Variants in SNURF observed in about 807,000 individuals in gnomAD.
The protein encoded by SNURF is SNURF protein.
Under a neutral mutation model 11.6 loss-of-function variants are expected in SNURF, and 6 were observed. That is an observed-to-expected ratio of 0.52 (90% CI 0.28 to 1.02). The LOEUF (loss-of-function observed/expected upper bound fraction) is 1.02, where lower values mean the gene tolerates loss of function less well. Among genes scored for constraint, SNURF ranks in the 50% least tolerant of loss-of-function variants. SNURF has a pLI of 0.09. For synonymous variants in SNURF, 29 were observed against 31.6 expected (o/e 0.92, Z 0.27); for missense variants, 84 against 88.4 (o/e 0.95, Z 0.20).
At chr15:24,966,026 T>C (rs2075578676) in intron 2 of SNURF, among the ~76,000 whole-genome samples, 1 of 152,122 alleles carries the variant, frequency 6.6e-6, no homozygotes, top group Non-Finnish European at 1.5e-5. Flanking sequence ...AGACTATGAA[T>C]TAGAGTGTGA....
chr15:24,966,678 A>G (rs2153561039), intron 2 of SNURF, among the ~76,000 whole-genome samples: 1 of 152,260 alleles, frequency 6.6e-6, no homozygotes, highest in Admixed American at 6.5e-5. Flanking sequence ...AATTCCAAGG[A>G]TGTATAGGAT....
At chr15:24,969,330 T>C (rs1244034632), downstream of SNURF, among the ~76,000 whole-genome samples, 1 of 152,136 alleles carries the variant, frequency 6.6e-6, no homozygotes, top group Non-Finnish European at 1.5e-5. Flanking sequence ...GGTTTCACCA[T>C]GTTCTCCAGG....
chr15:24,957,037 G>A (rs2063043943), intron 1 of SNURF, among the ~76,000 whole-genome samples: 1 of 152,130 alleles, frequency 6.6e-6, no homozygotes. Context: ...TCCTCTCTTG[G>A]TTGTATTGTG....
downstream of SNURF, chr15:24,978,073 T>C (rs985062054): frequency 2.7e-5 from 33 of 1,222,222 alleles, 1 homozygote; most frequent in Admixed American, 7.2e-4. Flanking sequence ...AATTGTCATA[T>C]AGAAGTTATT....
downstream of SNURF, among the ~76,000 whole-genome samples, chr15:24,973,585 A>G (rs755399198): frequency 6.6e-6 from 1 of 151,410 alleles, no homozygotes; most frequent in Non-Finnish European, 1.5e-5. Flanking sequence ...TTTCTAGCAG[A>G]GACGGGATTT....
chr15:24,976,521 CAAATA>C, intron 5 of SNURF: 2 of 824,588 alleles, frequency 2.4e-6, no homozygotes, highest in Non-Finnish European at 4.0e-6. Flanking sequence ...CATGGATTGT[CAAATA>C]AAATGTGCCA....
intron 2 of SNURF, among the ~76,000 whole-genome samples, chr15:24,966,529 T>C (rs2075664983): frequency 6.6e-6 from 1 of 152,130 alleles, no homozygotes; most frequent in South Asian, 2.1e-4. Context: ...GAGGGCTTGC[T>C]CAAAACCCCA....
intron 5 of SNURF, chr15:24,976,538 G>C (rs1365512590): frequency 2.7e-6 from 2 of 752,048 alleles, no homozygotes; most frequent in African/African-American, 3.6e-5. Flanking sequence ...AATGTGCCAG[G>C]CACTTAATAT....
At chr15:24,956,413 T>C (rs996201271) in intron 1 of SNURF, among the ~76,000 whole-genome samples, 5 of 150,484 alleles carry the variant, frequency 3.3e-5, no homozygotes, top group Admixed American at 6.7e-5. Context: ...AGGTGGTGTG[T>C]GTTCAGCTTC....
chr15:24,958,486 GT>G (rs71127030), intron 1 of SNURF, among the ~76,000 whole-genome samples: 1,025 of 65,078 alleles, frequency 0.016, 3 homozygotes, highest in East Asian at 0.028. Flanking sequence ...CTGGCTCAAA[GT>G]TTTTTTTTTT....
exon 3 of SNURF, chr15:24,967,965 G>A: frequency 6.2e-7 from 1 of 1,614,168 alleles, no homozygotes; most frequent in Non-Finnish European, 8.5e-7. Context: ...CTCAGCAGCA[G>A]CAAGTACCTG....
At chr15:24,958,521 A>G (rs1253874963) in intron 1 of SNURF, among the ~76,000 whole-genome samples, 1 of 47,036 alleles carries the variant, frequency 2.1e-5, no homozygotes, top group Non-Finnish European at 5.4e-5. Context: ...TTTTTTTTTT[A>G]AATAGACCAG....
At chr15:24,969,202 C>T (rs1431416561), downstream of SNURF, among the ~76,000 whole-genome samples, 1 of 152,118 alleles carries the variant, frequency 6.6e-6, no homozygotes, top group Non-Finnish European at 1.5e-5. Context: ...GGTTTCGGCT[C>T]ACTGCAACCT....
rs1176249833 is a variant in SNURF, at chr15:24,963,991, C to T, written c.110+1782C>T. On this transcript the variant is annotated intron_variant, in intron 2 of 2. Coordinates refer to ENST00000577949, the Ensembl canonical transcript of SNURF. ...AGGCTGCAGTGAGCCATGTTTGTGC[C>T]ACTGTACTCCAGTCTAGGTGACAGA... Among the ~76,000 whole-genome samples the T allele has an allele frequency of 3.9e-5, 6 of 152,058 alleles. No homozygotes were observed. In the East Asian group the frequency reaches 1.2e-3, roughly 29 times the overall value.
At chr15:24,969,668 C>T (rs761879336), downstream of SNURF, among the ~76,000 whole-genome samples, 1 of 152,056 alleles carries the variant, frequency 6.6e-6, no homozygotes, top group Non-Finnish European at 1.5e-5. Flanking sequence ...TTTTTAAATA[C>T]AACATTTAAG....
At chr15:24,976,786 GA>G (rs2077112805) in intron 5 of SNURF, 4 of 1,183,396 alleles carry the variant, frequency 3.4e-6, no homozygotes, top group Non-Finnish European at 4.9e-6. Flanking sequence ...GGTGTCATGG[GA>G]AAATGGTGGA....
chr15:24,955,135 G>C (rs1477049278), intron 1 of SNURF, 73 bp downstream of exon 1: 1 of 1,600,734 alleles, frequency 6.2e-7, no homozygotes, highest in African/African-American at 1.3e-5. Flanking sequence ...GATATTCCAA[G>C]TTTTTAGGAC....
At position 24,958,486 on chromosome 15, in the gene SNURF, G is replaced by GTTTTTTTTTTTTTTTTT; in HGVS notation, c.14+3442_14+3458dup. Reference sequence around the variant, plus strand: ...ATTTCTGGATGCTAGCTGGCTCAAAGTTTTTTTTTTTTTTTTTTTTTTTTT... The same window carrying GTTTTTTTTTTTTTTTTT: ...ATTTCTGGATGCTAGCTGGCTCAAAGTTTTTTTTTTTTTTTTTTTTTTTTTTTTTTTTTTTTTTTTTT... On this transcript the variant is annotated intron_variant, in intron 1 of 2. Transcript: ENST00000577949. Among the ~76,000 whole-genome samples the GTTTTTTTTTTTTTTTTT allele has an allele frequency of 3.1e-5, 2 of 65,284 alleles. 1 individual carries two copies. The highest frequency in any genetic ancestry group is 5.4e-5 in the Non-Finnish European group (2 of 36,716). The allele number at this position is 65,284 out of a possible 152,430, so 42.8% of individuals were successfully genotyped here.
downstream of SNURF, among the ~76,000 whole-genome samples, chr15:24,968,583 G>A (rs749045612): frequency 1.3e-5 from 2 of 151,854 alleles, no homozygotes; most frequent in African/African-American, 2.4e-5. Context: ...CATTGCTTTC[G>A]AAAAATAAAG....
Sources: gnomAD v4.1 joint callset for allele counts (sites outside exome capture counted in the v4.1 genomes callset) on GRCh38, gnomAD v4.1.1 for gene constraint, MANE v1.5 for transcripts, NCBI Gene and HGNC (gene_info 2026-07-23, HGNC 2026-07-21) for gene names.